Variants in ATP5F1A observed in about 807,000 individuals in gnomAD.
ATP5F1A encodes ATP synthase F1 subunit alpha, also known as ATP synthase F(1) complex subunit alpha, mitochondrial.
A neutral mutation model predicts 57.4 loss-of-function variants in ATP5F1A; 24 were observed. That is an observed-to-expected ratio of 0.42 (90% CI 0.30 to 0.59). ATP5F1A has a LOEUF of 0.59. Among genes scored for constraint, ATP5F1A ranks in the 20% least tolerant of loss-of-function variants. The probability of loss-of-function intolerance (pLI) is 0.19; values close to 1 mark genes in which losing one functional copy is unlikely to be tolerated. For synonymous variants in ATP5F1A, 251 were observed against 255.5 expected (o/e 0.98, Z 0.17); for missense variants, 494 against 707.9 (o/e 0.70, Z 3.43).
chr18:46,094,544 G>A (rs1281061654), intron 2 of ATP5F1A, among the ~76,000 whole-genome samples: 1 of 152,042 alleles, frequency 6.6e-6, no homozygotes, highest in East Asian at 1.9e-4. Context: ...GTGCATGCCT[G>A]TAATCCCAGC....
intron 6 of ATP5F1A, chr18:46,087,729 A>C (rs991667762): frequency 2.1e-6 from 1 of 486,780 alleles, no homozygotes; most frequent in Non-Finnish European, 3.6e-6. Flanking sequence ...AAAATACAAA[A>C]ATTAGCCGGA....
chr18:46,084,773 T>C, intron 10 of ATP5F1A, 119 bp from the exon 11 acceptor site: 2 of 1,075,054 alleles, frequency 1.9e-6, no homozygotes, highest in Non-Finnish European at 2.6e-6. Flanking sequence ...AATTATCTAT[T>C]CTTCACAATA....
Position 46,088,269 on chromosome 18 carries a change from G to GA in ATP5F1A, c.651-13dup. The GA allele has an allele frequency of 6.4e-7, 1 of 1,565,008 alleles. No homozygotes were observed. Among genetic ancestry groups the GA allele is most frequent in the East Asian group, 2.3e-5 (1 of 44,302 alleles). On this transcript the variant is annotated splice_polypyrimidine_tract_variant and intron_variant, in intron 5 of 11. Coordinates refer to ENST00000398752, the MANE Select transcript of ATP5F1A (RefSeq NM_004046.6). ...CAATTGAGGTTTTCCTTTAAAAAGA[G>GA]AAAGTAAATATAAATCTTCCTAAAC...
rs11664764 is a variant in ATP5F1A at position 46,095,398 on chromosome 18, T to C, written c.61-267A>G. ...TTATTGTTTTTTTGAGACGGCTCACTGCATCCTCCACCTCCTAGTCTCAAG... is the reference window on the plus strand; with the variant it reads ...TTATTGTTTTTTTGAGACGGCTCACCGCATCCTCCACCTCCTAGTCTCAAG... On this transcript the variant is annotated intron_variant, in intron 1 of 11. Coordinates refer to ENST00000398752, the MANE Select transcript of ATP5F1A (RefSeq NM_004046.6). Among the ~76,000 whole-genome samples the C allele has an allele frequency of 0.39, 58,606 of 151,946 alleles. 11,683 individuals are homozygous for C. The highest frequency in any genetic ancestry group is 0.53 in the Middle Eastern group (155 of 294).
rs1909926119 is a variant in ATP5F1A at position 46,084,305 on chromosome 18, A to C, written c.1639T>G (p.Phe547Val). 1 of 1,612,906 alleles carries C rather than the reference A, an allele frequency of 6.2e-7. No homozygotes were observed. Among genetic ancestry groups the C allele is most frequent in the Non-Finnish European group, 8.5e-7 (1 of 1,179,916 alleles). Residue 547 changes from phenylalanine to valine, a missense_variant, in exon 12 of 12, where the codon TTC becomes GTC. By Grantham distance (50) the Phe-to-Val change is conservative. Coordinates refer to ENST00000398752, the MANE Select transcript of ATP5F1A (RefSeq NM_004046.6). The stretch of plus-strand genomic sequence containing the variant: ...GTTTAAGCTTCAAATCCAGCCAAGA[A>C]ATTTGTTACAATCTCTTTCAGCTTT... ...DAKLKEIVTNFLAGFEA is the reference protein window; with the variant it reads ...DAKLKEIVTNVLAGFEA
At position 46,091,715 on chromosome 18, in the gene ATP5F1A, T is replaced by C. The variant is rs151074230; in HGVS notation, c.276A>G (p.Ala92=). 202 of 1,609,352 alleles carry C rather than the reference T, an allele frequency of 1.3e-4. No homozygotes were observed. In the African/African-American group the frequency reaches 2.3e-3, roughly 18 times the overall value. Residue 92 remains alanine (A), a synonymous_variant, in exon 3 of 12, where the codon GCA becomes GCG. Coordinates refer to ENST00000398752, the MANE Select transcript of ATP5F1A (RefSeq NM_004046.6). Reference sequence around the variant, plus strand: ...CTGAAGAAAACTCTACCATTTCTTCTGCTTGAACATTCCTCAGCCCATGTA... The same window carrying C: ...CTGAAGAAAACTCTACCATTTCTTCCGCTTGAACATTCCTCAGCCCATGTA... ...ARVHGLRNVQ[A]EEMVEFSSGL... is the part of the protein sequence containing the mutation.
At chr18:46,098,077 GC>G in intron 1 of ATP5F1A, 94 bp downstream of exon 1, 1 of 1,463,924 alleles carries the variant, frequency 6.8e-7, no homozygotes, top group Non-Finnish European at 9.0e-7. Context: ...ATTCGCCACA[GC>G]CCCTCGCCCT....
upstream of ATP5F1A, chr18:46,098,365 A>ACC (rs1911143208): frequency 1.0e-5 from 12 of 1,192,766 alleles, no homozygotes; most frequent in Non-Finnish European, 1.1e-5. Flanking sequence ...CGCGTTCACC[A>ACC]CCTCTCCCCC....
At chr18:46,087,539 T>A (rs764027678) in intron 6 of ATP5F1A, 47 bp from the exon 7 acceptor site, 1 of 1,590,298 alleles carries the variant, frequency 6.3e-7, no homozygotes, top group African/African-American at 1.4e-5. Flanking sequence ...GGTTTTAAAT[T>A]GGAGGCTACT....
intron 10 of ATP5F1A, chr18:46,085,585 C>T (rs1286398441): frequency 6.6e-6 from 1 of 152,248 alleles, no homozygotes. Context: ...GCTATGATGG[C>T]ACCACTGCAC....
chr18:46,086,358 C>G, intron 9 of ATP5F1A, 29 bp downstream of exon 9: 1 of 1,612,926 alleles, frequency 6.2e-7, no homozygotes, highest in East Asian at 2.2e-5. Flanking sequence ...AATGATAGCC[C>G]CCTTACTGCC....
upstream of ATP5F1A, chr18:46,098,362 A>AACCCCCC (rs1555696620): frequency 6.9e-5 from 82 of 1,192,968 alleles, no homozygotes; most frequent in African/African-American, 1.6e-4. Flanking sequence ...CCTCGCGTTC[A>AACCCCCC]CCACCTCTCC....
chr18:46,091,803 T>C lies in ATP5F1A; in HGVS notation c.188A>G (p.Asp63Gly). The part of the protein sequence containing the change: ...SILEERILGA[D>G]TSVDLEETGR... Reference sequence around the variant, plus strand: ...AGTTTCTTCAAGATCAACAGAGGTATCAGCTCCAAGAATACGCTCTTCAAG... The same window carrying C: ...AGTTTCTTCAAGATCAACAGAGGTACCAGCTCCAAGAATACGCTCTTCAAG... Residue 63 changes from aspartate to glycine, a missense_variant, in exon 3 of 12, where the codon GAT becomes GGT. Asp to Gly is a moderately conservative substitution (Grantham distance 94). Around this residue, in one of 6 missense-constraint regions of ATP5F1A, gnomAD observed 142 missense variants for 137.5 expected, o/e 1.03. Coordinates refer to ENST00000398752, the MANE Select transcript of ATP5F1A (RefSeq NM_004046.6). 1 of 1,613,908 alleles carries C rather than the reference T, an allele frequency of 6.2e-7. No individual in the cohort carries two copies. Among genetic ancestry groups the C allele is most frequent in the South Asian group, 1.1e-5 (1 of 91,070 alleles).
intron 1 of ATP5F1A, among the ~76,000 whole-genome samples, chr18:46,095,883 C>T (rs546037947): frequency 2.0e-5 from 3 of 151,562 alleles, no homozygotes; most frequent in African/African-American, 7.3e-5. Flanking sequence ...TATATATATA[C>T]ACACACATTT....
intron 10 of ATP5F1A, chr18:46,085,168 T>TC (rs879630808): frequency 6.6e-6 from 1 of 152,056 alleles, no homozygotes; most frequent in Non-Finnish European, 1.5e-5. Context: ...ACACCTGTAA[T>TC]CCCAGCACTT....
chr18:46,087,226 CA>C lies in ATP5F1A; in HGVS notation c.957del (p.Ala320LeufsTer36). 1 of 1,614,204 alleles carries C rather than the reference CA, an allele frequency of 6.2e-7. No homozygotes were observed. ...IIYDDLSKQAVAYRQMSLLLR... is the reference protein window; with the variant it reads ...IIYDDLSKQAXAYRQMSLLLR... ...AGCAACAGAGACATCTGACGGTAAGCAACAGCCTATGGTACAGAATAGGTTT... is the reference window on the plus strand; with the variant it reads ...AGCAACAGAGACATCTGACGGTAAGCACAGCCTATGGTACAGAATAGGTTT... On this transcript the variant is annotated frameshift_variant, in exon 8 of 12. Coordinates refer to ENST00000398752, the MANE Select transcript of ATP5F1A (RefSeq NM_004046.6). LOFTEE classifies it high-confidence loss of function.
At chr18:46,091,111 T>C (rs1910522981) in intron 3 of ATP5F1A, among the ~76,000 whole-genome samples, 1 of 152,236 alleles carries the variant, frequency 6.6e-6, no homozygotes, top group Non-Finnish European at 1.5e-5. Context: ...TTTTCCCATA[T>C]CTGCATGCCT....
At position 46,098,188 on chromosome 18, in the gene ATP5F1A, G is replaced by T; in HGVS notation, c.44C>A (p.Pro15His). Residue 15 changes from proline (P) to histidine (H), a missense_variant, in exon 1 of 12, where the codon CCT (proline) becomes CAT (histidine). Transcript: ENST00000398752. ...GGTGCTCACCAGTCCGGCCCGCCGA[G>T]GAAGGGCGCGGACCACGGCCGCAGC... ...RVAAAVVRALPRRAGLVSRNA... is the reference protein window; with the variant it reads ...RVAAAVVRALHRRAGLVSRNA... 6.2e-7 allele frequency: 1 copy of T among 1,605,764 alleles called. No individual in the cohort carries two copies.
upstream of ATP5F1A, among the ~76,000 whole-genome samples, chr18:46,100,376 A>G (rs181703883): frequency 6.6e-5 from 10 of 152,318 alleles, no homozygotes; most frequent in Admixed American, 6.5e-4. Flanking sequence ...ATTGCCATTC[A>G]GGGCATACAC....
Sources: allele counts gnomAD v4.1 joint callset (sites outside exome capture counted in the v4.1 genomes callset), GRCh38; gene constraint gnomAD v4.1.1; regional missense constraint gnomAD v4.1.1; transcripts MANE v1.5; gene names NCBI Gene and HGNC (gene_info 2026-07-23, HGNC 2026-07-21).